Variants in SYT12 observed in about 807,000 individuals in gnomAD.
SYT12 encodes synaptotagmin 12.
In SYT12, 27 loss-of-function variants were observed where a neutral mutation model predicts 39.5. That is an observed-to-expected ratio of 0.68 (90% CI 0.50 to 0.94). The LOEUF is 0.94. Among genes scored for constraint, SYT12 ranks in the 40% least tolerant of loss-of-function variants. The pLI is 0.00. For synonymous variants in SYT12, 233 were observed against 239.7 expected (o/e 0.97, Z 0.26); for missense variants, 536 against 572.6 (o/e 0.94, Z 0.65).
intron 1 of SYT12, among the ~76,000 whole-genome samples, chr11:67,008,495 C>T (rs1044390972): frequency 6.6e-6 from 1 of 151,928 alleles, no homozygotes; most frequent in African/African-American, 2.4e-5. Context: ...CTCAAGTGAT[C>T]CTCCCACCTT....
At chr11:67,032,644 C>T (rs1950292123) in intron 2 of SYT12, 1 of 152,460 alleles carries the variant, frequency 6.6e-6, no homozygotes, top group Admixed American at 6.5e-5. Flanking sequence ...TGGCTCACGC[C>T]TGTAATCCCA....
chr11:67,028,431 A>C (rs1199551209), intron 1 of SYT12: 1 of 152,134 alleles, frequency 6.6e-6, no homozygotes, highest in African/African-American at 2.4e-5. Flanking sequence ...CTGGCTGTGC[A>C]CCTTATCTGA....
intron 3 of SYT12, among the ~76,000 whole-genome samples, chr11:67,035,814 C>T (rs1281164001): frequency 3.4e-4 from 26 of 75,852 alleles, no homozygotes; most frequent in East Asian, 1.6e-3. Context: ...TCCTTCCTTC[C>T]TTCCTTCCTT....
chr11:67,017,285 G>A (rs1950065563), intron 3 of SYT12, among the ~76,000 whole-genome samples: 1 of 152,138 alleles, frequency 6.6e-6, no homozygotes, highest in Admixed American at 6.6e-5. Context: ...ACTTTGGGAG[G>A]CGGAGGCAGA....
rs1157424282 is a variant in SYT12 at position 67,035,837 on chromosome 11, C to CCTTT, written c.228+1041_228+1044dup. Among the ~76,000 whole-genome samples the CCTTT allele has an allele frequency of 8.2e-4, 91 of 111,132 alleles. 3 individuals are homozygous for CCTTT. Among genetic ancestry groups the CCTTT allele is most frequent in the African/African-American group, 2.6e-3 (60 of 23,160 alleles). The allele number at this position is 111,132 out of a possible 152,430, so 72.9% of individuals were successfully genotyped here. On this transcript the variant is annotated intron_variant, in intron 3 of 7. Coordinates refer to ENST00000527043, the MANE Select transcript of SYT12 (RefSeq NM_177963.4). Reference sequence around the variant, plus strand: ...TCCTTCCTTCCTTCCTTCCTTCCTTCCTTTCTTTCTTTCTTTCTTTCTTTC... The same window carrying CCTTT: ...TCCTTCCTTCCTTCCTTCCTTCCTTCCTTTCTTTCTTTCTTTCTTTCTTTCTTTC...
intron 1 of SYT12, among the ~76,000 whole-genome samples, chr11:67,008,701 G>A (rs1256633701): frequency 6.6e-6 from 1 of 151,974 alleles, no homozygotes; most frequent in Non-Finnish European, 1.5e-5. Context: ...CAGGCATGCG[G>A]CATCATGCCT....
intron 3 of SYT12, among the ~76,000 whole-genome samples, chr11:67,035,461 T>TC (rs1565336672): frequency 7.0e-6 from 1 of 143,696 alleles, no homozygotes; most frequent in Non-Finnish European, 1.5e-5. Context: ...TTCTTTTCTT[T>TC]TTTTTTTTTT....
chr11:67,019,199 G>GCAACC (rs1950084630), upstream of SYT12, among the ~76,000 whole-genome samples: 1 of 152,074 alleles, frequency 6.6e-6, no homozygotes, highest in Non-Finnish European at 1.5e-5. Context: ...ATCGCTGGGC[G>GCAACC]TGGTGACTCA....
intron 1 of SYT12, chr11:67,027,163 A>G (rs1043568878): frequency 6.6e-6 from 1 of 152,252 alleles, no homozygotes; most frequent in South Asian, 2.1e-4. Context: ...TTCTCCCTCC[A>G]CTCAGGCAAA....
intron 3 of SYT12, among the ~76,000 whole-genome samples, chr11:67,035,387 A>T (rs1950339087): frequency 6.7e-6 from 1 of 150,314 alleles, no homozygotes; most frequent in South Asian, 2.1e-4. Flanking sequence ...CCATAGGCCA[A>T]ATGCCCAGAG....
chr11:67,025,717 G>A (rs1057008405), intron 1 of SYT12, among the ~76,000 whole-genome samples: 12 of 152,156 alleles, frequency 7.9e-5, no homozygotes, highest in East Asian at 1.9e-4. Context: ...CAGCACTTGC[G>A]GCTTGGTCTG....
chr11:67,038,319 G>A (rs868281415), intron 3 of SYT12, among the ~76,000 whole-genome samples: 2 of 151,774 alleles, frequency 1.3e-5, no homozygotes, highest in African/African-American at 2.4e-5. Context: ...GGTGCATGCC[G>A]CCACACCCGG....
At chr11:67,035,678 C>T (rs867048991) in intron 3 of SYT12, among the ~76,000 whole-genome samples, 28 of 151,662 alleles carry the variant, frequency 1.8e-4, no homozygotes, top group Middle Eastern at 3.4e-3. Context: ...AGGATGGTCT[C>T]GATCTCCTGA....
At chr11:67,011,805 G>T (rs937985020) in intron 3 of SYT12, among the ~76,000 whole-genome samples, 3 of 150,350 alleles carry the variant, frequency 2.0e-5, no homozygotes, top group Non-Finnish European at 4.5e-5. Context: ...TTGCTCTGTC[G>T]CCCAGGCTGG....
upstream of SYT12, among the ~76,000 whole-genome samples, chr11:67,022,374 C>T (rs1950118660): frequency 6.6e-6 from 1 of 152,140 alleles, no homozygotes; most frequent in African/African-American, 2.4e-5. Context: ...CCCCAGGTGT[C>T]CACCCAGCCT....
intron 3 of SYT12, 129 bp downstream of exon 3, chr11:67,034,967 G>C: frequency 1.6e-6 from 1 of 606,424 alleles, no homozygotes; most frequent in South Asian, 3.4e-5. Flanking sequence ...TTTGAAAGGG[G>C]AGTAGACCTC....
At chr11:67,035,497 GC>G (rs1950343204) in intron 3 of SYT12, among the ~76,000 whole-genome samples, 2 of 113,104 alleles carry the variant, frequency 1.8e-5, no homozygotes, top group Non-Finnish European at 3.3e-5. Context: ...TCGCTCTGTT[GC>G]CCAGGCTGGA....
At chr11:67,045,154 G>A (rs895614678) in intron 6 of SYT12, among the ~76,000 whole-genome samples, 1 of 152,202 alleles carries the variant, frequency 6.6e-6, no homozygotes, top group African/African-American at 2.4e-5. Flanking sequence ...GGCAGGACCC[G>A]ATGCCTTAGG....
In SYT12 at chr11:67,048,599, G is replaced by A. The variant is rs755634010; in HGVS notation, c.1108G>A (p.Val370Met). ...TCTTCCTCAGGACCTGTCTCTCCGC[G>A]TGACGGTGGCTGAGAGCAGCAGCGA... is the stretch of plus-strand genomic sequence containing the variant. ...AIVLQDLSLR[V>M]TVAESSSDGR... Residue 370 changes from valine to methionine, a missense_variant, in exon 8 of 8, where the codon GTG becomes ATG. Coordinates refer to ENST00000527043, the MANE Select transcript of SYT12 (RefSeq NM_177963.4). 3.7e-6 allele frequency: 6 copies of A among 1,602,408 alleles called. No individual in the cohort carries two copies. Among genetic ancestry groups the A allele is most frequent in the East Asian group, 2.2e-5 (1 of 44,494 alleles).
Sources: gnomAD v4.1 joint callset for allele counts (sites outside exome capture counted in the v4.1 genomes callset) on GRCh38, gnomAD v4.1.1 for gene constraint, MANE v1.5 for transcripts, NCBI Gene and HGNC (gene_info 2026-07-23, HGNC 2026-07-21) for gene names.